Variants in VAT1L observed in about 807,000 individuals in gnomAD.
VAT1L encodes putative NADPH-dependent quinone oxidoreductase VAT1L.
Under a neutral mutation model 44.1 loss-of-function variants are expected in VAT1L, and 34 were observed. That is an observed-to-expected ratio of 0.77 (90% CI 0.59 to 1.03). VAT1L has a LOEUF of 1.03. Ranked by LOEUF, VAT1L falls within the 50% of genes least tolerant of loss-of-function variation. VAT1L has a pLI of 0.00. For missense variants in VAT1L, 615 were observed against 538.8 expected, an observed-to-expected ratio of 1.14 and a Z score of -1.40; for synonymous variants, 253 against 202.2, an observed-to-expected ratio of 1.25 and a Z score of -2.13.
intron 7 of VAT1L, among the ~76,000 whole-genome samples, chr16:77,916,740 T>A (rs2142490290): frequency 1.3e-5 from 2 of 152,050 alleles, no homozygotes; most frequent in Middle Eastern, 6.8e-3. Context: ...TCGTCTTTTG[T>A]CATTGCTTTT....
chr16:77,858,141 G>C, intron 3 of VAT1L, among the ~76,000 whole-genome samples: 1 of 152,296 alleles, frequency 6.6e-6, no homozygotes, highest in East Asian at 1.9e-4. Flanking sequence ...CACAGATGGG[G>C]CAGGCAGAAG....
In VAT1L at chr16:77,792,526, C is replaced by T. The variant is rs568679938; in HGVS notation, c.233+3611C>T. On this transcript the variant is annotated intron_variant, in intron 1 of 8. Transcript: ENST00000302536. ...CTGGATCCCACTGCAGAGTCAGTCT[C>T]ACCTTGAAGCAAGGAACAGAGGGAG... 2.6e-5 allele frequency among the ~76,000 whole-genome samples: 4 copies of T among 152,194 alleles called. No individual in the cohort carries two copies. The South Asian group carries it at 8.3e-4, about 32-fold the overall frequency.
In VAT1L at chr16:77,825,286, G is replaced by C; in HGVS notation, c.404G>C (p.Trp135Ser). The C allele has an allele frequency of 9.9e-6, 16 of 1,614,162 alleles. No individual in the cohort carries two copies. Among genetic ancestry groups the C allele is most frequent in the Non-Finnish European group, 1.4e-5 (16 of 1,180,042 alleles). Residue 135 changes from tryptophan (W) to serine (S), a missense_variant, in exon 3 of 9, where the codon TGG becomes TCG. Transcript: ENST00000302536. Reference sequence around the variant, plus strand: ...ATGGCATTTGTCAATTACAATGCCTGGGCAGAGGTGGTCTGCACACCAGTG... The same window carrying C: ...ATGGCATTTGTCAATTACAATGCCTCGGCAGAGGTGGTCTGCACACCAGTG... ...RVMAFVNYNA[W>S]AEVVCTPVEF... is the part of the protein sequence containing the mutation.
At chr16:77,834,164 C>T (rs183978402) in intron 3 of VAT1L, among the ~76,000 whole-genome samples, 10 of 152,312 alleles carry the variant, frequency 6.6e-5, no homozygotes, top group Middle Eastern at 3.4e-3. Context: ...TGGACACACA[C>T]GGCTCTCATT....
chr16:77,879,538 A>C lies in VAT1L; in HGVS notation c.882+314A>C, dbSNP rs577625243. On this transcript the variant is annotated intron_variant, in intron 6 of 8. Coordinates refer to ENST00000302536, the MANE Select transcript of VAT1L (RefSeq NM_020927.3). This position sits in a 1 kb window ranked among gnomAD's most constrained non-coding sequence, Gnocchi z 4.1. ...TCTGACCTCGTGATCTGCCCGCCTC[A>C]GCCTCCCAAAGTGCTGGGATTACAG... Among the ~76,000 whole-genome samples, 2 of 152,162 alleles carry C rather than the reference A, an allele frequency of 1.3e-5. No individual in the cohort carries two copies. Among genetic ancestry groups the C allele is most frequent in the African/African-American group, 2.4e-5 (1 of 41,466 alleles).
chr16:77,977,943 A>G lies in VAT1L; in HGVS notation c.*248A>G. 2.3e-6 allele frequency: 1 copy of G among 435,720 alleles called. No individual in the cohort carries two copies. 27.0% of individuals were successfully genotyped at this position (435,720 alleles called of 1,614,324 possible). A position where few individuals can be genotyped will look rare whatever the true frequency, so the allele number is the denominator to read the frequency against. ...CCTCTCCCCTGTATCAAAACCATCC[A>G]TCTGTGGGTTCTTCTTGACAGTTCT... On this transcript the variant is annotated 3_prime_UTR_variant, in exon 9 of 9. Transcript: ENST00000302536.
chr16:77,919,125 TGTGTGTGTGTGC>T (rs1392750360), intron 7 of VAT1L, among the ~76,000 whole-genome samples: 1 of 151,752 alleles, frequency 6.6e-6, no homozygotes, highest in South Asian at 2.1e-4. Context: ...GTTTTGAGGG[TGTGTGTGTGTGC>T]ATGTGTGTGC....
intron 8 of VAT1L, among the ~76,000 whole-genome samples, chr16:77,973,719 A>C (rs906745231): frequency 2.0e-5 from 3 of 151,324 alleles, no homozygotes; most frequent in African/African-American, 7.3e-5. Context: ...ATTGTCATGT[A>C]AAGTGTTTTT....
intron 2 of VAT1L, among the ~76,000 whole-genome samples, chr16:77,823,352 AG>A (rs777769053): frequency 6.6e-6 from 1 of 152,152 alleles, no homozygotes; most frequent in Non-Finnish European, 1.5e-5. Flanking sequence ...TTTTCCTCTA[AG>A]CCCTATCACT....
At chr16:77,821,471 T>C (rs1429373291) in intron 2 of VAT1L, among the ~76,000 whole-genome samples, 1 of 152,088 alleles carries the variant, frequency 6.6e-6, no homozygotes. Flanking sequence ...TTCTGTATTT[T>C]TAGTAGAGAA....
At chr16:77,976,468 C>G (rs561061203) in intron 8 of VAT1L, among the ~76,000 whole-genome samples, 5 of 152,102 alleles carry the variant, frequency 3.3e-5, no homozygotes, top group Non-Finnish European at 7.3e-5. Context: ...GGGGAGAACC[C>G]AGCTTCAGGT....
chr16:77,894,199 T>C (rs576538127), intron 7 of VAT1L, among the ~76,000 whole-genome samples: 2 of 152,252 alleles, frequency 1.3e-5, no homozygotes, highest in East Asian at 3.9e-4. Context: ...CCTTCGTCCT[T>C]GGGCAGAGGA....
chr16:77,913,519 C>G (rs989280069), intron 7 of VAT1L, among the ~76,000 whole-genome samples: 1 of 151,976 alleles, frequency 6.6e-6, no homozygotes, highest in African/African-American at 2.4e-5. Flanking sequence ...ACAGAGACCC[C>G]CCTCCCTCTA....
chr16:77,836,749 A>C (rs982931243), intron 3 of VAT1L, among the ~76,000 whole-genome samples: 1 of 152,178 alleles, frequency 6.6e-6, no homozygotes, highest in Non-Finnish European at 1.5e-5. Flanking sequence ...AGCATCACTC[A>C]TTCTTTATTT....
rs2015769156 is a variant in VAT1L at position 77,788,602 on chromosome 16, C to G, written c.-81C>G. The G allele has an allele frequency of 1.3e-6, 2 of 1,485,958 alleles. No homozygotes were observed. Among genetic ancestry groups the G allele is most frequent in the East Asian group, 2.5e-5 (1 of 40,300 alleles). 92.0% of individuals were successfully genotyped at this position (1,485,958 alleles called of 1,614,324 possible). A position where few individuals can be genotyped will look rare whatever the true frequency, so the allele number is the denominator to read the frequency against. ...GCATCCCACATTCAACAGGAGGAAC[C>G]CGCGGGAGAGGAGCCCCACTCCCCC... On this transcript the variant is annotated 5_prime_UTR_variant, in exon 1 of 9. Transcript: ENST00000302536.
intron 7 of VAT1L, chr16:77,892,981 C>A: frequency 1.5e-6 from 1 of 678,880 alleles, no homozygotes; most frequent in East Asian, 2.6e-5. Context: ...AGGGTACCCT[C>A]CATCCCATTT....
intron 7 of VAT1L, among the ~76,000 whole-genome samples, chr16:77,918,793 G>A (rs1443080626): frequency 1.3e-5 from 2 of 152,088 alleles, no homozygotes; most frequent in African/African-American, 4.8e-5. Flanking sequence ...GAGCTCCCTG[G>A]AGGAAGGAGC....
Position 77,788,716 on chromosome 16 carries a change from A to G in VAT1L, c.34A>G (p.Thr12Ala). ...GGAAGGCGTGGAGAAGGCGGAGGAG[A>G]CGGAGCAAATGATCGAGAAGGAGGC... ...AKEGVEKAEE[T>A]EQMIEKEAGK... Residue 12 changes from threonine (T) to alanine (A), a missense_variant, in exon 1 of 9, where the codon ACG becomes GCG. Coordinates refer to ENST00000302536, the MANE Select transcript of VAT1L (RefSeq NM_020927.3). 6.4e-7 allele frequency: 1 copy of G among 1,555,354 alleles called. No individual in the cohort carries two copies. The highest frequency in any genetic ancestry group is 8.7e-7 in the Non-Finnish European group (1 of 1,149,010).
chr16:77,859,133 C>T (rs1195642379), intron 3 of VAT1L, among the ~76,000 whole-genome samples: 1 of 143,410 alleles, frequency 7.0e-6, no homozygotes, highest in East Asian at 2.2e-4. Flanking sequence ...GAAACTCCAT[C>T]TCAAAAAAAA....
Sources: gnomAD v4.1 joint callset for allele counts (sites outside exome capture counted in the v4.1 genomes callset) on GRCh38, gnomAD v4.1.1 for gene constraint, Gnocchi (gnomAD v3.1) non-coding constraint, MANE v1.5 for transcripts, NCBI Gene and HGNC (gene_info 2026-07-23, HGNC 2026-07-21) for gene names.